Variants in RHOBTB1 observed in about 807,000 individuals in gnomAD.
RHOBTB1 encodes the protein Rho related BTB domain containing 1.
Under a neutral mutation model 71.6 loss-of-function variants are expected in RHOBTB1, and 40 were observed. That is an observed-to-expected ratio of 0.56 (90% CI 0.43 to 0.73). The LOEUF (loss-of-function observed/expected upper bound fraction) is 0.73. Ranked by LOEUF, RHOBTB1 falls within the 30% of genes least tolerant of loss-of-function variation. The pLI, the probability that RHOBTB1 is intolerant of heterozygous loss-of-function variation, is 0.00. For missense variants in RHOBTB1, 797 were observed against 894.0 expected (o/e 0.89, Z 1.38); for synonymous variants, 319 against 334.9 (o/e 0.95, Z 0.52).
At chr10:61,001,601 GCCC>G, upstream of RHOBTB1, among the ~76,000 whole-genome samples, 1 of 149,718 alleles carries the variant, frequency 6.7e-6, no homozygotes, top group Admixed American at 6.6e-5. Context: ...GGCAGCCGCC[GCCC>G]TGCGGGGCGG....
At chr10:60,978,830 T>C (rs1417435586) in intron 2 of RHOBTB1, among the ~76,000 whole-genome samples, 1 of 152,192 alleles carries the variant, frequency 6.6e-6, no homozygotes, top group African/African-American at 2.4e-5. Context: ...TTTTTAACAT[T>C]GTCAATGTCC....
In RHOBTB1 at chr10:60,889,184, G is replaced by T; in HGVS notation, c.484C>A (p.Pro162Thr). 1 of 1,595,880 alleles carries T rather than the reference G, an allele frequency of 6.3e-7. No homozygotes were observed. Residue 162 changes from proline to threonine, a missense_variant and splice_region_variant, in exon 6 of 11, where the codon CCC (proline) becomes ACC (threonine). Physicochemically the swap from Pro to Thr is conservative, Grantham distance 38 (BLOSUM62 -1). Coordinates refer to ENST00000337910, the MANE Select transcript of RHOBTB1 (RefSeq NM_014836.5). ...GGCAAAATATCCCCTCTCTTTATGGGCCTGAAATAGAACATTTTAAAAATT... is the reference window on the plus strand; with the variant it reads ...GGCAAAATATCCCCTCTCTTTATGGTCCTGAAATAGAACATTTTAAAAATT... ...VNRARRPLAR[P>T]IKRGDILPPE...
intron 2 of RHOBTB1, among the ~76,000 whole-genome samples, chr10:60,970,458 A>G (rs2086114952): frequency 1.3e-5 from 2 of 152,098 alleles, no homozygotes; most frequent in African/African-American, 4.8e-5. Context: ...ATATTTACTG[A>G]TCCATATAAT....
chr10:60,878,119 A>C (rs560268010), intron 7 of RHOBTB1, 61 bp from the exon 8 acceptor site: 5 of 1,347,426 alleles, frequency 3.7e-6, no homozygotes, highest in Non-Finnish European at 5.2e-6. Context: ...GCACATTTTC[A>C]GGCTATGCTG....
At chr10:60,866,467 G>C (rs536005516), downstream of RHOBTB1, among the ~76,000 whole-genome samples, 23 of 152,262 alleles carry the variant, frequency 1.5e-4, no homozygotes, top group Middle Eastern at 3.4e-3. Context: ...GATGGGAGTG[G>C]GTATTTTGGA....
intron 10 of RHOBTB1, 163 bp downstream of exon 10, chr10:60,872,022 C>G (rs2080813678): frequency 4.4e-6 from 3 of 675,330 alleles, no homozygotes; most frequent in Non-Finnish European, 5.3e-6. Context: ...TCCCAGCCTT[C>G]AATTCCTTAT....
At chr10:60,886,298 T>A in intron 6 of RHOBTB1, 68 bp from the exon 7 acceptor site, 1 of 1,121,902 alleles carries the variant, frequency 8.9e-7, no homozygotes, top group Non-Finnish European at 1.3e-6. Context: ...AGGCTTCTGC[T>A]CCCATAGCCA....
At chr10:60,895,856 A>G (rs910257632) in intron 4 of RHOBTB1, among the ~76,000 whole-genome samples, 2 of 152,264 alleles carry the variant, frequency 1.3e-5, no homozygotes, top group African/African-American at 2.4e-5. Flanking sequence ...CCTAAAACCA[A>G]GTTTAACCAA....
chr10:60,909,448 C>T (rs931297340), intron 4 of RHOBTB1, among the ~76,000 whole-genome samples: 2 of 152,052 alleles, frequency 1.3e-5, no homozygotes, highest in African/African-American at 4.8e-5. Flanking sequence ...TCATCAGGCT[C>T]ATCATTTTCA....
At chr10:60,897,698 C>T (rs1564856259) in intron 4 of RHOBTB1, among the ~76,000 whole-genome samples, 1 of 152,066 alleles carries the variant, frequency 6.6e-6, no homozygotes, top group Non-Finnish European at 1.5e-5. Context: ...CTAACAATTA[C>T]ATACATATAC....
chr10:60,875,126 C>T (rs1024213209), intron 8 of RHOBTB1, 84 bp from the exon 9 acceptor site: 32 of 927,918 alleles, frequency 3.4e-5, no homozygotes, highest in South Asian at 6.5e-5. Context: ...TCTGGGACGA[C>T]TTAAGAAGGG....
chr10:60,917,858 G>A (rs1438498379), intron 2 of RHOBTB1, among the ~76,000 whole-genome samples: 1 of 152,028 alleles, frequency 6.6e-6, no homozygotes, highest in African/African-American at 2.4e-5. Flanking sequence ...ACCTTACTCA[G>A]ACATCACCTC....
At chr10:60,913,996 T>C (rs10821858) in intron 2 of RHOBTB1, among the ~76,000 whole-genome samples, 40,753 of 152,054 alleles carry the variant, frequency 0.27, 7,553 homozygotes, top group African/African-American at 0.53. Context: ...AAGACGAATG[T>C]CTTCAGATGA....
downstream of RHOBTB1, among the ~76,000 whole-genome samples, chr10:60,865,967 G>A (rs971135328): frequency 2.6e-5 from 4 of 152,096 alleles, no homozygotes; most frequent in African/African-American, 9.7e-5. Context: ...GAGTAGCTGG[G>A]ATTACAGGTA....
intron 2 of RHOBTB1, among the ~76,000 whole-genome samples, chr10:60,951,138 T>A (rs2085395460): frequency 6.6e-6 from 1 of 152,230 alleles, no homozygotes; most frequent in Non-Finnish European, 1.5e-5. Context: ...CTAACCCTGA[T>A]CTTCTGACTA....
At chr10:60,871,701 T>C (rs374188749) in intron 10 of RHOBTB1, 50 bp from the exon 11 acceptor site, 1 of 1,553,292 alleles carries the variant, frequency 6.4e-7, no homozygotes, top group Non-Finnish European at 8.8e-7. Context: ...ATTGATGCCT[T>C]TTATGTGCTA....
At chr10:60,872,143 G>C in intron 10 of RHOBTB1, 42 bp downstream of exon 10, 4 of 1,387,632 alleles carry the variant, frequency 2.9e-6, no homozygotes, top group Non-Finnish European at 4.1e-6. Context: ...TTCCATGAGA[G>C]GTGAGGAGAG....
At chr10:60,895,838 C>T (rs775598251) in intron 4 of RHOBTB1, among the ~76,000 whole-genome samples, 7 of 152,238 alleles carry the variant, frequency 4.6e-5, no homozygotes, top group Non-Finnish European at 7.3e-5. Flanking sequence ...GCCATATGAA[C>T]GTAGCTCCCT....
At chr10:60,915,559 T>A (rs1009657698) in intron 2 of RHOBTB1, among the ~76,000 whole-genome samples, 1 of 152,196 alleles carries the variant, frequency 6.6e-6, no homozygotes, top group African/African-American at 2.4e-5. Context: ...CAGTACCCGA[T>A]GAATCCACTT....
Sources: gnomAD v4.1 joint callset for allele counts (sites outside exome capture counted in the v4.1 genomes callset) on GRCh38, gnomAD v4.1.1 for gene constraint, MANE v1.5 for transcripts, NCBI Gene and HGNC (gene_info 2026-07-23, HGNC 2026-07-21) for gene names.